The following GPC6 variants were observed in gnomAD, a reference collection of about 807,000 sequenced individuals.
The protein encoded by GPC6 is glypican 6.
Under a neutral mutation model 55.2 loss-of-function variants are expected in GPC6, and 14 were observed. The ratio of observed to expected loss-of-function variants is 0.25; its 90% CI spans 0.17 to 0.40. The LOEUF is 0.40. Among genes scored for constraint, GPC6 ranks in the 10% least tolerant of loss-of-function variants. GPC6 has a pLI of 1.00. For synonymous variants in GPC6, 278 were observed against 259.6 expected, an observed-to-expected ratio of 1.07 and a Z score of -0.68; for missense variants, 641 against 708.5, an observed-to-expected ratio of 0.90 and a Z score of 1.08.
chr13:94,264,175 A>G (rs1323673826), intron 4 of GPC6, among the ~76,000 whole-genome samples: 6 of 152,200 alleles, frequency 3.9e-5, no homozygotes, highest in Middle Eastern at 3.2e-3. Flanking sequence ...CCTTGTTGAT[A>G]TGACAAAGGA....
intron 3 of GPC6, among the ~76,000 whole-genome samples, chr13:93,902,641 A>G (rs1027291933): frequency 6.6e-6 from 1 of 152,322 alleles, no homozygotes; most frequent in South Asian, 2.1e-4. Context: ...CCTGTTTTCT[A>G]TAATGGCTGT....
chr13:94,060,993 A>G (rs1884302821), intron 4 of GPC6, among the ~76,000 whole-genome samples: 3 of 152,196 alleles, frequency 2.0e-5, no homozygotes, highest in Admixed American at 6.5e-5. Context: ...TATATCTGAC[A>G]TTGTCACATA....
At chr13:93,890,013 G>A (rs984781808) in intron 3 of GPC6, among the ~76,000 whole-genome samples, 2 of 152,008 alleles carry the variant, frequency 1.3e-5, no homozygotes, top group Non-Finnish European at 2.9e-5. Flanking sequence ...GATGGCTTTT[G>A]CAGAGAAACC....
chr13:93,360,849 T>G (rs1490683396), intron 1 of GPC6, among the ~76,000 whole-genome samples: 1 of 152,158 alleles, frequency 6.6e-6, no homozygotes, highest in South Asian at 2.1e-4. Flanking sequence ...AAATCTATGT[T>G]TGCAGGCAGA....
At chr13:93,220,986 G>A in the GPC6 span, among the ~76,000 whole-genome samples, 1 of 152,040 alleles carries the variant, frequency 6.6e-6, no homozygotes, top group Non-Finnish European at 1.5e-5. Context: ...AGGCTCTGGT[G>A]ATCCTCCCAC....
rs923840064 is a variant in GPC6 at position 93,625,757 on chromosome 13, C to T, written c.319+80336C>T. Among the ~76,000 whole-genome samples, 4 of 152,166 alleles carry T rather than the reference C, an allele frequency of 2.6e-5. No homozygotes were observed. In the East Asian group the frequency reaches 5.8e-4, roughly 22 times the overall value. ...AACAGCCAACTGTAAACAGCTGATT[C>T]ATTTTTTAATGCAAATGTGCTCTTT... On this transcript the variant is annotated intron_variant, in intron 2 of 8. Coordinates refer to ENST00000377047, the MANE Select transcript of GPC6 (RefSeq NM_005708.5).
At chr13:94,215,052 GCTC>G (rs1890187002) in intron 4 of GPC6, among the ~76,000 whole-genome samples, 3 of 152,160 alleles carry the variant, frequency 2.0e-5, no homozygotes, top group Admixed American at 2.0e-4. Flanking sequence ...TTCTTCTCCA[GCTC>G]CTACTTGTCC....
intron 3 of GPC6, among the ~76,000 whole-genome samples, chr13:93,879,654 G>A (rs1183512630): frequency 3.3e-5 from 5 of 150,812 alleles, no homozygotes; most frequent in East Asian, 2.0e-4. Context: ...ATAGGCATGG[G>A]CAAGGACTTC....
chr13:94,177,374 A>C (rs1888813630), intron 4 of GPC6, among the ~76,000 whole-genome samples: 1 of 152,144 alleles, frequency 6.6e-6, no homozygotes, highest in Non-Finnish European at 1.5e-5. Context: ...AAATATTTGC[A>C]GCAAATATGA....
chr13:93,288,934 G>T (rs1878226516), intron 1 of GPC6, among the ~76,000 whole-genome samples: 1 of 152,100 alleles, frequency 6.6e-6, no homozygotes, highest in Non-Finnish European at 1.5e-5. Flanking sequence ...ACAACCACAG[G>T]CCAGTTACAG....
chr13:93,560,631 G>A lies in GPC6; in HGVS notation c.319+15210G>A, dbSNP rs139559829. ...AGCACTTTGAGAGGCCAAGGCGGGC[G>A]GATCATGAGGTCAGGAGATCGAGAA... On this transcript the variant is annotated intron_variant, in intron 2 of 8. Transcript: ENST00000377047. 2.9e-3 allele frequency among the ~76,000 whole-genome samples: 437 copies of A among 152,060 alleles called. 3 individuals are homozygous for A. Among genetic ancestry groups the A allele is most frequent in the Middle Eastern group, 6.8e-3 (2 of 292 alleles).
intron 4 of GPC6, among the ~76,000 whole-genome samples, chr13:94,095,457 A>G (rs1050957393): frequency 6.6e-5 from 10 of 152,354 alleles, no homozygotes; most frequent in East Asian, 3.9e-4. Flanking sequence ...ATTCAACTCA[A>G]CGTATCCAAA....
intron 4 of GPC6, among the ~76,000 whole-genome samples, chr13:94,058,889 T>C (rs1884224624): frequency 6.6e-6 from 1 of 152,218 alleles, no homozygotes; most frequent in Non-Finnish European, 1.5e-5. Context: ...GACAAGTCCC[T>C]GAATGCTTGC....
intron 1 of GPC6, among the ~76,000 whole-genome samples, chr13:93,454,824 C>T (rs372676695): frequency 1.8e-4 from 27 of 152,300 alleles, no homozygotes; most frequent in African/African-American, 5.8e-4. Flanking sequence ...GGAGTGGGCG[C>T]CCTGGAGCAG....
chr13:93,665,245 T>G (rs1348799544), intron 2 of GPC6, among the ~76,000 whole-genome samples: 6 of 152,222 alleles, frequency 3.9e-5, no homozygotes, highest in Non-Finnish European at 8.8e-5. Flanking sequence ...TAATGGTATA[T>G]CCATAATGAT....
At chr13:94,266,307 T>C (rs1412633339) in intron 4 of GPC6, among the ~76,000 whole-genome samples, 2 of 152,148 alleles carry the variant, frequency 1.3e-5, no homozygotes, top group African/African-American at 2.4e-5. Flanking sequence ...TAGCTGGGAC[T>C]ACAGGCGCCC....
chr13:93,241,560 CTTGAG>C (rs1367056524), intron 1 of GPC6, among the ~76,000 whole-genome samples: 3 of 151,990 alleles, frequency 2.0e-5, no homozygotes, highest in Non-Finnish European at 1.5e-5. Context: ...TCATTCATAT[CTTGAG>C]TTGTTTTCTT....
intron 3 of GPC6, among the ~76,000 whole-genome samples, chr13:93,900,288 C>G (rs1013513827): frequency 4.6e-5 from 7 of 151,978 alleles, no homozygotes; most frequent in Non-Finnish European, 1.0e-4. Flanking sequence ...ATAAAAAAAG[C>G]CAAACATTCA....
chr13:93,979,830 A>G (rs76384616), intron 3 of GPC6, among the ~76,000 whole-genome samples: 2,800 of 152,258 alleles, frequency 0.018, 98 homozygotes, highest in African/African-American at 0.064. Context: ...GGCCAAAATT[A>G]TAGCCTATTC....
Sources: gnomAD v4.1 joint callset for allele counts (sites outside exome capture counted in the v4.1 genomes callset) on GRCh38, gnomAD v4.1.1 for gene constraint, MANE v1.5 for transcripts, NCBI Gene and HGNC (gene_info 2026-07-23, HGNC 2026-07-21) for gene names.